ARHGAP12: variants seen among roughly 807,000 people sequenced by gnomAD.
ARHGAP12 encodes the protein Rho GTPase activating protein 12.
ARHGAP12 carries 64 observed loss-of-function variants against 108.6 expected under a neutral mutation model. The observed-to-expected ratio is 0.59, with a 90% CI of 0.48 to 0.73. The LOEUF is 0.73. Ranked by LOEUF, ARHGAP12 falls within the 30% of genes least tolerant of loss-of-function variation. ARHGAP12 has a pLI of 0.00. For missense variants in ARHGAP12, 940 were observed against 1,005.9 expected (o/e 0.93, Z 0.89); for synonymous variants, 312 against 337.2 (o/e 0.93, Z 0.82).
rs1211464477 is a variant in ARHGAP12 at position 31,852,578 on chromosome 10, T to A, written c.1109A>T (p.Asp370Val). 6.2e-7 allele frequency: 1 copy of A among 1,613,250 alleles called. No individual in the cohort carries two copies. The highest frequency in any genetic ancestry group is 2.2e-5 in the East Asian group (1 of 44,816). ...TNEKWLKHVDDQGRQYYYSAD... is the reference protein window; with the variant it reads ...TNEKWLKHVDVQGRQYYYSAD... ...ACTGTAGTAATATTGTCTACCTTGA[T>A]CATCAACATGCTTGAGCCACTATAA... Residue 370 changes from aspartate (D) to valine (V), a missense_variant, in exon 6 of 20, where the codon GAT (aspartate) becomes GTT (valine). Physicochemically the swap from Asp to Val is radical, Grantham distance 152. Transcript: ENST00000344936.
chr10:31,908,066 T>C (rs975832336), intron 3 of ARHGAP12, 106 bp downstream of exon 3: 14 of 1,140,554 alleles, frequency 1.2e-5, no homozygotes, highest in East Asian at 2.6e-5. Flanking sequence ...ACTCTGAAAA[T>C]ACAAAGCAAA....
chr10:31,850,494 T>C (rs1386918590), intron 6 of ARHGAP12, among the ~76,000 whole-genome samples: 1 of 152,214 alleles, frequency 6.6e-6, no homozygotes, highest in Non-Finnish European at 1.5e-5. Context: ...AAAATCATTC[T>C]TTCTAAATTA....
chr10:31,806,703 A>G lies in ARHGAP12; in HGVS notation c.*955T>C, dbSNP rs528998166. The G allele has an allele frequency of 8.5e-5, 13 of 152,572 alleles. No individual in the cohort carries two copies. The highest frequency in any genetic ancestry group is 1.6e-4 in the Non-Finnish European group (11 of 68,020). The allele number at this position is 152,572 out of a possible 1,614,324, so 9.5% of individuals were successfully genotyped here. On this transcript the variant is annotated 3_prime_UTR_variant, in exon 20 of 20. Transcript: ENST00000344936. ...TGCCTGTAAATGTAGTTAATATCTA[A>G]AAGTGCACACAGTTAACTTTCCCAA...
At chr10:31,843,772 T>A (rs1317154957) in intron 6 of ARHGAP12, among the ~76,000 whole-genome samples, 186 bp from the exon 7 acceptor site, 1 of 152,170 alleles carries the variant, frequency 6.6e-6, no homozygotes, top group Non-Finnish European at 1.5e-5. Context: ...ATTGAGAAGA[T>A]CACAGACTCT....
chr10:31,927,373 A>T (rs1840094573), intron 1 of ARHGAP12, among the ~76,000 whole-genome samples: 1 of 152,228 alleles, frequency 6.6e-6, no homozygotes, highest in South Asian at 2.1e-4. Flanking sequence ...ACTTTTAAGT[A>T]TGAAAGAGGC....
chr10:31,820,212 C>A (rs1463602003), intron 12 of ARHGAP12, among the ~76,000 whole-genome samples, 175 bp downstream of exon 12: 6 of 152,086 alleles, frequency 3.9e-5, no homozygotes, highest in Non-Finnish European at 8.8e-5. Context: ...ACAACTTATG[C>A]AAATAAAGCC....
At chr10:31,865,649 G>A (rs1169960296) in intron 3 of ARHGAP12, among the ~76,000 whole-genome samples, 1 of 152,102 alleles carries the variant, frequency 6.6e-6, no homozygotes, top group Non-Finnish European at 1.5e-5. Flanking sequence ...GCTGAAGCCG[G>A]TGGATCACGA....
At chr10:31,905,910 C>T (rs1839117301) in intron 3 of ARHGAP12, among the ~76,000 whole-genome samples, 1 of 151,976 alleles carries the variant, frequency 6.6e-6, no homozygotes, top group African/African-American at 2.4e-5. Flanking sequence ...ATTGTTATAG[C>T]CAGTCCCCAA....
chr10:31,900,052 A>G (rs866907717), intron 3 of ARHGAP12, among the ~76,000 whole-genome samples: 33 of 152,312 alleles, frequency 2.2e-4, no homozygotes, highest in African/African-American at 7.2e-4. Context: ...AAAAACTGAC[A>G]AAAGACCTGA....
At chr10:31,808,131 G>A (rs1367269117) in intron 19 of ARHGAP12, among the ~76,000 whole-genome samples, 1 of 152,054 alleles carries the variant, frequency 6.6e-6, no homozygotes, top group Non-Finnish European at 1.5e-5. Context: ...TCAGGTAACA[G>A]TGACTGCTCC....
intron 3 of ARHGAP12, among the ~76,000 whole-genome samples, chr10:31,896,351 C>G (rs865987634): frequency 2.0e-5 from 3 of 146,762 alleles, no homozygotes; most frequent in Non-Finnish European, 4.5e-5. Context: ...GTAAACATTT[C>G]TAGATTTATG....
intron 11 of ARHGAP12, among the ~76,000 whole-genome samples, chr10:31,822,829 G>A (rs1835464030): frequency 6.6e-6 from 1 of 151,896 alleles, no homozygotes; most frequent in South Asian, 2.1e-4. Flanking sequence ...TTGTCCTCTG[G>A]GGGACATCTG....
intron 9 of ARHGAP12, among the ~76,000 whole-genome samples, chr10:31,835,295 T>G (rs1420913102): frequency 1.3e-5 from 2 of 152,048 alleles, no homozygotes; most frequent in East Asian, 3.9e-4. Context: ...AATCAACCAA[T>G]GTTTTTGTGT....
intron 1 of ARHGAP12, among the ~76,000 whole-genome samples, chr10:31,916,657 C>T (rs1318402109): frequency 3.9e-5 from 6 of 152,158 alleles, no homozygotes; most frequent in African/African-American, 7.2e-5. Context: ...CCCTCTGTCA[C>T]GCAGGCTGGA....
In ARHGAP12 at chr10:31,807,640, G is replaced by A. The variant is rs751076456; in HGVS notation, c.*18C>T. The A allele has an allele frequency of 6.3e-7, 1 of 1,581,630 alleles. No individual in the cohort carries two copies. Among genetic ancestry groups the A allele is most frequent in the Non-Finnish European group, 8.6e-7 (1 of 1,168,216 alleles). On this transcript the variant is annotated 3_prime_UTR_variant, in exon 20 of 20. Coordinates refer to ENST00000344936, the MANE Select transcript of ARHGAP12 (RefSeq NM_018287.7). ...GATGGAATCCAGCTTCTATTCCACA[G>A]GTTGTCTTCAGTAAGAATCAACGTC... is the stretch of plus-strand genomic sequence containing the variant.
At chr10:31,864,521 T>C (rs887030121) in intron 3 of ARHGAP12, among the ~76,000 whole-genome samples, 3 of 152,202 alleles carry the variant, frequency 2.0e-5, no homozygotes, top group Admixed American at 2.0e-4. Flanking sequence ...ATATTTGGCA[T>C]ACAATATTCA....
rs142769066 is a variant in ARHGAP12 at position 31,819,786 on chromosome 10, A to C, written c.1632+601T>G. Among the ~76,000 whole-genome samples the C allele has an allele frequency of 2.4e-4, 36 of 152,312 alleles. 1 individual carries two copies. The East Asian group carries it at 6.6e-3, about 28-fold the overall frequency. ...GACTGAAGCCTCATGAATAGTCCTA[A>C]GTGAGATTAGAAGAAAAATCACCCA... On this transcript the variant is annotated intron_variant, in intron 12 of 19. Coordinates refer to ENST00000344936, the MANE Select transcript of ARHGAP12 (RefSeq NM_018287.7).
At position 31,838,404 on chromosome 10, in the gene ARHGAP12, G is replaced by A. The variant is rs186093717; in HGVS notation, c.1386+901C>T. ...GCTTCATTCTACAAGAAAACAGGCTGGGTGTGGTAGCTCACATCTGTAATC... is the reference window on the plus strand; with the variant it reads ...GCTTCATTCTACAAGAAAACAGGCTAGGTGTGGTAGCTCACATCTGTAATC... On this transcript the variant is annotated intron_variant, in intron 9 of 19. Coordinates refer to ENST00000344936, the MANE Select transcript of ARHGAP12 (RefSeq NM_018287.7). 3.3e-3 allele frequency among the ~76,000 whole-genome samples: 501 copies of A among 152,272 alleles called. 5 individuals are homozygous for A. Among genetic ancestry groups the A allele is most frequent in the African/African-American group, 0.011 (461 of 41,558 alleles).
At chr10:31,819,069 A>G (rs1005608237) in intron 12 of ARHGAP12, among the ~76,000 whole-genome samples, 3 of 152,028 alleles carry the variant, frequency 2.0e-5, no homozygotes, top group African/African-American at 7.2e-5. Flanking sequence ...AAACAAAAAA[A>G]TTGTAATTAT....
Sources: allele counts gnomAD v4.1 joint callset (sites outside exome capture counted in the v4.1 genomes callset), GRCh38; gene constraint gnomAD v4.1.1; transcripts MANE v1.5; gene names NCBI Gene and HGNC (gene_info 2026-07-23, HGNC 2026-07-21).